The following MYH11 variants were observed in gnomAD, a reference collection of about 807,000 sequenced individuals.
The protein encoded by MYH11 is myosin-11.
In MYH11, 80 loss-of-function variants were observed where a neutral mutation model predicts 246.6. The observed-to-expected ratio is 0.32, with a 90% CI of 0.27 to 0.39. The LOEUF (loss-of-function observed/expected upper bound fraction) is 0.39. Ranked by LOEUF, MYH11 falls within the 10% of genes least tolerant of loss-of-function variation. The pLI is 1.00. For synonymous variants in MYH11, 1,071 were observed against 1,015.5 expected (o/e 1.05, Z -1.04); for missense variants, 2,158 against 2,546.8 (o/e 0.85, Z 3.29).
At chr16:15,724,569 C>T (rs1036498925) in intron 30 of MYH11, 78 bp downstream of exon 30, 106 of 1,610,112 alleles carry the variant, frequency 6.6e-5, no homozygotes, top group African/African-American at 2.8e-4. Context: ...AACACTCCAC[C>T]GCGATCTGCC....
At position 15,757,772 on chromosome 16, in the gene MYH11, G is replaced by C. The variant is rs1391328290; in HGVS notation, c.1575+55C>G. The C allele has an allele frequency of 1.1e-5, 18 of 1,610,868 alleles. 1 individual carries two copies. The highest frequency in any genetic ancestry group is 3.3e-4 in the Middle Eastern group (2 of 6,054). Reference sequence around the variant, plus strand: ...GTGGGGTCCACGTCGGCTCCACAGAGGCCACACACGTGTACAAGGTGTGAC... The same window carrying C: ...GTGGGGTCCACGTCGGCTCCACAGACGCCACACACGTGTACAAGGTGTGAC... On this transcript the variant is annotated intron_variant, in intron 13 of 40. Coordinates refer to ENST00000300036, the MANE Select transcript of MYH11 (RefSeq NM_002474.3).
rs760024 is a variant in MYH11 at position 15,725,164 on chromosome 16, A to C, written c.3859-172T>G. 0.042 allele frequency: 26,962 copies of C among 641,856 alleles called. 1,947 individuals are homozygous for C. The highest frequency in any genetic ancestry group is 0.25 in the African/African-American group (13,631 of 53,588). 39.8% of individuals were successfully genotyped at this position (641,856 alleles called of 1,614,324 possible). A position where few individuals can be genotyped will look rare whatever the true frequency, so the allele number is the denominator to read the frequency against. On this transcript the variant is annotated intron_variant, in intron 28 of 40. Transcript: ENST00000300036. Reference sequence around the variant, plus strand: ...AAAAAAAAAAACACACACACACACAAAAAAAACAGAATCTGTGGCTTGAAG... The same window carrying C: ...AAAAAAAAAAACACACACACACACACAAAAAACAGAATCTGTGGCTTGAAG...
At chr16:15,738,816 G>A in intron 23 of MYH11, 128 bp from the exon 24 acceptor site, 1 of 1,097,380 alleles carries the variant, frequency 9.1e-7, no homozygotes, top group South Asian at 1.4e-5. Flanking sequence ...TACAACTAGA[G>A]TTTTAAATGG....
chr16:15,795,151 T>C (rs530335205), intron 4 of MYH11, among the ~76,000 whole-genome samples: 1 of 151,506 alleles, frequency 6.6e-6, no homozygotes, highest in South Asian at 2.1e-4. Flanking sequence ...CTATTAACAA[T>C]ACAAAAATTA....
At chr16:15,705,056 T>G (rs1052572516) in intron 40 of MYH11, among the ~76,000 whole-genome samples, 3 of 152,218 alleles carry the variant, frequency 2.0e-5, no homozygotes, top group Non-Finnish European at 4.4e-5. Flanking sequence ...CTTGGCTCAC[T>G]GCAACCTCTG....
chr16:15,776,657 C>T (rs973946385), intron 7 of MYH11, among the ~76,000 whole-genome samples: 1 of 152,182 alleles, frequency 6.6e-6, no homozygotes, highest in African/African-American at 2.4e-5. Context: ...GAAACTGAGG[C>T]TCAGAGAAGA....
chr16:15,813,388 T>G (rs1196056074), intron 3 of MYH11, among the ~76,000 whole-genome samples: 3 of 152,104 alleles, frequency 2.0e-5, no homozygotes, highest in Non-Finnish European at 4.4e-5. Context: ...TCAGCCTTCT[T>G]TACTTTATAA....
Position 15,735,860 on chromosome 16 carries a change from C to T in MYH11, c.3294-282G>A, listed in dbSNP as rs536682072. Among the ~76,000 whole-genome samples the T allele has an allele frequency of 2.0e-4, 31 of 152,356 alleles. No individual in the cohort carries two copies. In the East Asian group the frequency reaches 3.5e-3, roughly 17 times the overall value. Reference sequence around the variant, plus strand: ...TGTGTGCAAGAATGCAAAGCATTGACCCCAGACTGGCAAGGTACCTGGTCA... The same window carrying T: ...TGTGTGCAAGAATGCAAAGCATTGATCCCAGACTGGCAAGGTACCTGGTCA... On this transcript the variant is annotated intron_variant, in intron 25 of 40. Transcript: ENST00000300036.
chr16:15,768,632 A>AT (rs2042033716), intron 9 of MYH11, among the ~76,000 whole-genome samples: 1 of 152,100 alleles, frequency 6.6e-6, no homozygotes, highest in Non-Finnish European at 1.5e-5. Flanking sequence ...TTTTCTTTAA[A>AT]TTTACTTCCT....
intron 3 of MYH11, among the ~76,000 whole-genome samples, chr16:15,810,536 C>T (rs932497051): frequency 1.2e-4 from 19 of 152,172 alleles, no homozygotes; most frequent in African/African-American, 4.6e-4. Context: ...ACACAGTCCC[C>T]CATCATTCCC....
intron 38 of MYH11, among the ~76,000 whole-genome samples, chr16:15,716,432 C>G (rs1395372329): frequency 6.6e-6 from 1 of 152,166 alleles, no homozygotes; most frequent in African/African-American, 2.4e-5. Context: ...GTGCTGTGAT[C>G]ATATGCCTCA....
chr16:15,807,634 G>A (rs1415841012), intron 3 of MYH11, among the ~76,000 whole-genome samples: 1 of 152,096 alleles, frequency 6.6e-6, no homozygotes, highest in Non-Finnish European at 1.5e-5. Flanking sequence ...GCTGGAGCTG[G>A]GGGCGGCCGG....
At chr16:15,798,558 C>A (rs2042798459) in intron 4 of MYH11, 102 bp downstream of exon 4, 1 of 1,206,400 alleles carries the variant, frequency 8.3e-7, no homozygotes. Flanking sequence ...AATCAAAGAT[C>A]TCTGCACTCA....
At chr16:15,796,835 C>T (rs917174920) in intron 4 of MYH11, among the ~76,000 whole-genome samples, 3 of 152,050 alleles carry the variant, frequency 2.0e-5, no homozygotes, top group African/African-American at 7.2e-5. Context: ...GCAGGTGACC[C>T]CTAGAAGCCA....
At chr16:15,744,659 T>C (rs1889075096) in intron 20 of MYH11, among the ~76,000 whole-genome samples, 1 of 151,948 alleles carries the variant, frequency 6.6e-6, no homozygotes, top group Non-Finnish European at 1.5e-5. Context: ...CCTGCCACCA[T>C]ACCCAGCTAA....
At chr16:15,752,187 T>G (rs2041591073) in intron 15 of MYH11, among the ~76,000 whole-genome samples, 1 of 152,024 alleles carries the variant, frequency 6.6e-6, no homozygotes, top group Non-Finnish European at 1.5e-5. Flanking sequence ...TCATGTGTCC[T>G]GGGATGACAC....
chr16:15,850,801 G>A (rs1277612288), intron 1 of MYH11, among the ~76,000 whole-genome samples: 1 of 151,994 alleles, frequency 6.6e-6, no homozygotes, highest in Non-Finnish European at 1.5e-5. Context: ...AGGCTGAGGT[G>A]GGAAGATCGC....
Position 15,747,663 on chromosome 16 carries a change from C to T in MYH11, c.2318G>A (p.Gly773Asp). The stretch of plus-strand genomic sequence containing the variant: ...CTCCTCCTCTAGGTGGGCCAGGACG[C>T]CAGTTCGGAAGAAGATTTTGCTCTG... ...IGQSKIFFRT[G>D]VLAHLEEERD... The change falls in exon 19 of 41, where the codon GGC (glycine) becomes GAC (aspartate). Residue 773 changes from glycine (G) to aspartate (D), a missense_variant. Physicochemically the swap from Gly to Asp is moderately conservative, Grantham distance 94. Around this residue, in one of 11 missense-constraint regions of MYH11, gnomAD observed 56 missense variants for 47.2 expected, o/e 1.19. Coordinates refer to ENST00000300036, the MANE Select transcript of MYH11 (RefSeq NM_002474.3). 6.2e-7 allele frequency: 1 copy of T among 1,614,064 alleles called. No individual in the cohort carries two copies. The highest frequency in any genetic ancestry group is 8.5e-7 in the Non-Finnish European group (1 of 1,180,018).
intron 1 of MYH11, among the ~76,000 whole-genome samples, chr16:15,841,921 C>T (rs930133778): frequency 1.3e-5 from 2 of 152,188 alleles, no homozygotes; most frequent in African/African-American, 2.4e-5. Context: ...AATCCCACAG[C>T]GACAGAATAA....
Sources: allele counts gnomAD v4.1 joint callset (sites outside exome capture counted in the v4.1 genomes callset), GRCh38; gene constraint gnomAD v4.1.1; regional missense constraint gnomAD v4.1.1; transcripts MANE v1.5; gene names NCBI Gene and HGNC (gene_info 2026-07-23, HGNC 2026-07-21).